The following TMOD3 variants were observed in gnomAD, a reference collection of about 807,000 sequenced individuals.
TMOD3 encodes the protein tropomodulin-3.
Under a neutral mutation model 39.2 loss-of-function variants are expected in TMOD3, and 20 were observed. That is an observed-to-expected ratio of 0.51 (90% CI 0.36 to 0.74). TMOD3 has a LOEUF of 0.74. Among genes scored for constraint, TMOD3 ranks in the 30% least tolerant of loss-of-function variants. The pLI is 0.00. For missense variants in TMOD3, 381 were observed against 412.8 expected, an observed-to-expected ratio of 0.92 and a Z score of 0.67; for synonymous variants, 143 against 145.8, an observed-to-expected ratio of 0.98 and a Z score of 0.14.
At chr15:51,859,301 G>T in intron 1 of TMOD3, 1 of 731,592 alleles carries the variant, frequency 1.4e-6, no homozygotes, top group South Asian at 1.3e-5. Context: ...GTCTACCAAG[G>T]GGGTGGTTCA....
At position 51,849,017 on chromosome 15, in the gene TMOD3, GTTCCCGATCAGC is replaced by G. The variant is rs755984481; in HGVS notation, c.-74-13790_-74-13779del. Among the ~76,000 whole-genome samples the G allele has an allele frequency of 7.2e-5, 11 of 152,288 alleles. No individual in the cohort carries two copies. The South Asian group carries it at 1.0e-3, about 14-fold the overall frequency. On this transcript the variant is annotated intron_variant, in intron 1 of 9. Coordinates refer to ENST00000308580, the MANE Select transcript of TMOD3 (RefSeq NM_014547.5). ...CTCAGAGGAGTGTTTATTGGAGTAT[GTTCCCGATCAGC>G]TTCTTTCGGAAGTTGGGAAGCTATT... is the stretch of plus-strand genomic sequence containing the variant.
chr15:51,867,304 T>C (rs1446973312), intron 2 of TMOD3, among the ~76,000 whole-genome samples: 2 of 152,168 alleles, frequency 1.3e-5, no homozygotes, highest in Non-Finnish European at 2.9e-5. Context: ...TAAAAATGAG[T>C]AGGACTTGCA....
At chr15:51,893,757 T>A in intron 5 of TMOD3, 58 bp from the exon 6 acceptor site, 1 of 1,376,028 alleles carries the variant, frequency 7.3e-7, no homozygotes, top group Non-Finnish European at 9.4e-7. Context: ...AGTGCGAGAC[T>A]CCGTCTCAAA....
At chr15:51,832,715 G>A (rs139754264) in intron 1 of TMOD3, among the ~76,000 whole-genome samples, 114 of 152,234 alleles carry the variant, frequency 7.5e-4, no homozygotes, top group African/African-American at 2.6e-3. Flanking sequence ...AATATCACAG[G>A]GAGGATGAGA....
chr15:51,835,785 A>G (rs199708534), intron 1 of TMOD3, among the ~76,000 whole-genome samples: 1 of 152,194 alleles, frequency 6.6e-6, no homozygotes, highest in East Asian at 1.9e-4. Flanking sequence ...ATTCTTATGT[A>G]GCTATTTTTA....
At chr15:51,858,844 A>G (rs1164258937) in intron 1 of TMOD3, among the ~76,000 whole-genome samples, 1 of 152,114 alleles carries the variant, frequency 6.6e-6, no homozygotes, top group African/African-American at 2.4e-5. Flanking sequence ...GCATCTCAAC[A>G]TTAAATCAGC....
chr15:51,877,733 G>C (rs2056512214), intron 3 of TMOD3, among the ~76,000 whole-genome samples: 1 of 151,816 alleles, frequency 6.6e-6, no homozygotes. Flanking sequence ...GTTCAGTCTA[G>C]GGCTAATTAT....
chr15:51,875,586 T>A (rs1269497121), intron 3 of TMOD3, among the ~76,000 whole-genome samples: 5 of 151,448 alleles, frequency 3.3e-5, no homozygotes, highest in Non-Finnish European at 7.4e-5. Context: ...TTTCTCCATA[T>A]GATTTACATA....
At chr15:51,836,478 G>C (rs2056284157) in intron 1 of TMOD3, among the ~76,000 whole-genome samples, 1 of 152,120 alleles carries the variant, frequency 6.6e-6, no homozygotes, top group African/African-American at 2.4e-5. Context: ...TATAATCCCA[G>C]CACCTTGGGA....
Position 51,908,890 on chromosome 15 carries a change from G to T in TMOD3, c.*80G>T. 7.8e-7 allele frequency: 1 copy of T among 1,279,444 alleles called. No homozygotes were observed. Among genetic ancestry groups the T allele is most frequent in the Non-Finnish European group, 1.1e-6 (1 of 937,394 alleles). The allele number at this position is 1,279,444 out of a possible 1,614,324, so 79.3% of individuals were successfully genotyped here. A position where few individuals can be genotyped will look rare whatever the true frequency, so the allele number is the denominator to read the frequency against. ...TGGTGACATCATGTAAAATTTTCCT[G>T]GGTAGAAGGGAAAAGACTGGAAAAA... On this transcript the variant is annotated 3_prime_UTR_variant, in exon 10 of 10. Transcript: ENST00000308580.
chr15:51,857,293 G>T (rs1419670949), intron 1 of TMOD3, among the ~76,000 whole-genome samples: 1 of 152,216 alleles, frequency 6.6e-6, no homozygotes, highest in African/African-American at 2.4e-5. Flanking sequence ...GATGCAACTA[G>T]AGAAGTGAAT....
chr15:51,851,230 GATC>G (rs985846975), intron 1 of TMOD3, among the ~76,000 whole-genome samples: 1 of 152,146 alleles, frequency 6.6e-6, no homozygotes, highest in African/African-American at 2.4e-5. Context: ...AGAGTAAGGG[GATC>G]ATCACTACGG....
Position 51,901,945 on chromosome 15 carries a change from A to G in TMOD3, c.933A>G (p.Glu311=), listed in dbSNP as rs1410204539. Residue 311 remains glutamate, a synonymous_variant, in exon 9 of 10, where the codon GAA becomes GAG. Transcript: ENST00000308580. The part of the protein sequence containing the change: ...VELEMAKMLE[E]NTNILKFGYQ... ...TGGAAATGGCCAAGATGCTTGAGGA[A>G]AATACAAATATCCTTAAATTTGGAT... 1 of 1,614,152 alleles carries G rather than the reference A, an allele frequency of 6.2e-7. No homozygotes were observed. The highest frequency in any genetic ancestry group is 2.2e-5 in the East Asian group (1 of 44,870).
At chr15:51,900,369 G>A in intron 8 of TMOD3, 71 bp downstream of exon 8, 1 of 1,557,238 alleles carries the variant, frequency 6.4e-7, no homozygotes, top group Non-Finnish European at 8.7e-7. Flanking sequence ...GGCGACTCAG[G>A]ATGGGGATGG....
intron 3 of TMOD3, among the ~76,000 whole-genome samples, chr15:51,886,691 A>AGAGAGGGAGAGGGAGACCGTGGAGAGAGG (rs1269135512): frequency 1.3e-5 from 2 of 150,374 alleles, no homozygotes; most frequent in Admixed American, 6.6e-5. Flanking sequence ...ACCTTGGGAG[A>AGAGAGGGAGAGGGAGACCGTGGAGAGAGG]GAGAGGGAGA....
intron 9 of TMOD3, 41 bp downstream of exon 9, chr15:51,902,077 A>G (rs1355123304): frequency 3.7e-6 from 6 of 1,605,246 alleles, no homozygotes; most frequent in Admixed American, 1.8e-5. Flanking sequence ...TTCTATCACA[A>G]GCTAACGTAT....
rs953294690 is a variant in TMOD3 at position 51,862,864 on chromosome 15, T to C, written c.-21T>C. On this transcript the variant is annotated 5_prime_UTR_variant, in exon 2 of 10. Coordinates refer to ENST00000308580, the MANE Select transcript of TMOD3 (RefSeq NM_014547.5). ...ACTGTACTGAACAGCAAAAATTAAGTGACTTGCTGCCCTGCACATCATGGC... is the reference window on the plus strand; with the variant it reads ...ACTGTACTGAACAGCAAAAATTAAGCGACTTGCTGCCCTGCACATCATGGC... 4 of 1,603,444 alleles carry C rather than the reference T, an allele frequency of 2.5e-6. No individual in the cohort carries two copies. In the African/African-American group the frequency reaches 4.0e-5, roughly 16 times the overall value.
intron 3 of TMOD3, among the ~76,000 whole-genome samples, chr15:51,884,861 C>T (rs2056551892): frequency 6.6e-6 from 1 of 152,216 alleles, no homozygotes; most frequent in African/African-American, 2.4e-5. Context: ...CTAGAACCAC[C>T]TTCCTGTGGG....
intron 2 of TMOD3, among the ~76,000 whole-genome samples, chr15:51,864,047 C>G (rs1269265727): frequency 6.6e-6 from 1 of 152,050 alleles, no homozygotes; most frequent in Non-Finnish European, 1.5e-5. Flanking sequence ...GGGTGGATCA[C>G]TTGAGGCCAG....
Sources: gnomAD v4.1 joint callset for allele counts (sites outside exome capture counted in the v4.1 genomes callset) on GRCh38, gnomAD v4.1.1 for gene constraint, MANE v1.5 for transcripts, NCBI Gene and HGNC (gene_info 2026-07-23, HGNC 2026-07-21) for gene names.